DOCK3: variants seen among roughly 807,000 people sequenced by gnomAD.
DOCK3 encodes the protein dedicator of cytokinesis 3.
In DOCK3, 60 loss-of-function variants were observed where a neutral mutation model predicts 265.6. That is an observed-to-expected ratio of 0.23 (90% CI 0.18 to 0.28). The LOEUF (loss-of-function observed/expected upper bound fraction) is 0.28. Ranked by LOEUF, DOCK3 falls within the 10% of genes least tolerant of loss-of-function variation. The pLI is 1.00. For synonymous variants in DOCK3, 881 were observed against 938.0 expected (o/e 0.94, Z 1.11); for missense variants, 1,981 against 2,594.3 (o/e 0.76, Z 5.14).
intron 29 of DOCK3, among the ~76,000 whole-genome samples, 155 bp downstream of exon 29, chr3:51,312,234 G>A (rs1200671398): frequency 6.6e-6 from 1 of 152,112 alleles, no homozygotes; most frequent in Non-Finnish European, 1.5e-5. Flanking sequence ...ACCCCTGTTG[G>A]AAGTGTTGGT....
intron 27 of DOCK3, among the ~76,000 whole-genome samples, chr3:51,295,391 C>T (rs527483478): frequency 3.9e-5 from 6 of 152,272 alleles, no homozygotes; most frequent in Admixed American, 1.3e-4. Context: ...CTCACTTTTC[C>T]CCAAGGGAAG....
intron 5 of DOCK3, among the ~76,000 whole-genome samples, chr3:51,047,607 T>G (rs887682729): frequency 1.3e-5 from 2 of 152,058 alleles, no homozygotes; most frequent in South Asian, 4.1e-4. Flanking sequence ...GATGGACTAT[T>G]ATGAATAATT....
intron 4 of DOCK3, among the ~76,000 whole-genome samples, chr3:50,917,311 A>G (rs915824198): frequency 7.2e-5 from 11 of 152,190 alleles, no homozygotes; most frequent in African/African-American, 2.2e-4. Context: ...TGCTATCTTT[A>G]GATAATGGGT....
At chr3:51,082,018 A>G (rs2109447661) in intron 7 of DOCK3, among the ~76,000 whole-genome samples, 1 of 152,160 alleles carries the variant, frequency 6.6e-6, no homozygotes, top group South Asian at 2.1e-4. Context: ...TGAATAGAGC[A>G]TCTAAGACAG....
At chr3:51,256,835 TC>T (rs372780944) in intron 22 of DOCK3, among the ~76,000 whole-genome samples, 9 of 152,278 alleles carry the variant, frequency 5.9e-5, no homozygotes, top group African/African-American at 2.2e-4. Flanking sequence ...CCTCAGGTGA[TC>T]CACCCACCTC....
At chr3:50,693,891 G>C (rs1173314738) in intron 1 of DOCK3, among the ~76,000 whole-genome samples, 1 of 151,876 alleles carries the variant, frequency 6.6e-6, no homozygotes, top group Non-Finnish European at 1.5e-5. Context: ...ACTGGTTTTT[G>C]CATGTTGATT....
intron 1 of DOCK3, among the ~76,000 whole-genome samples, chr3:50,773,283 A>G (rs535355657): frequency 6.6e-6 from 1 of 152,122 alleles, no homozygotes; most frequent in African/African-American, 2.4e-5. Flanking sequence ...ACAAGAATCA[A>G]CTCACAATGG....
chr3:51,263,517 G>A (rs1385486562), intron 23 of DOCK3, among the ~76,000 whole-genome samples: 4 of 152,008 alleles, frequency 2.6e-5, no homozygotes, highest in Admixed American at 6.6e-5. Context: ...ATCAACTAAC[G>A]GGCAAAATAA....
intron 3 of DOCK3, among the ~76,000 whole-genome samples, chr3:50,881,631 G>A (rs983900654): frequency 2.6e-5 from 4 of 152,146 alleles, no homozygotes; most frequent in African/African-American, 9.7e-5. Context: ...CAAACAAATG[G>A]AAGAACATTC....
chr3:51,354,959 G>T lies in DOCK3; in HGVS notation c.4185G>T (p.Pro1395=), dbSNP rs367930026. The stretch of plus-strand genomic sequence containing the variant: ...AGCAGAGGATGCTCAGTGAGTTTCC[G>T]CAGGCTGTCGCCATGCAGCACCCCA... The part of the protein sequence containing the change: ...AFQQRMLSEF[P]QAVAMQHPNH... The change falls in exon 41 of 53, where the codon CCG becomes CCT. Residue 1395 remains proline, a synonymous_variant. Transcript: ENST00000266037. 15 of 1,613,876 alleles carry T rather than the reference G, an allele frequency of 9.3e-6. No individual in the cohort carries two copies. Among genetic ancestry groups the T allele is most frequent in the East Asian group, 8.9e-5 (4 of 44,870 alleles).
intron 40 of DOCK3, among the ~76,000 whole-genome samples, chr3:51,353,025 A>C (rs927526349): frequency 3.3e-5 from 5 of 152,216 alleles, no homozygotes; most frequent in Non-Finnish European, 7.3e-5. Context: ...TTATCTATTA[A>C]TCTGCAAAGA....
intron 3 of DOCK3, among the ~76,000 whole-genome samples, chr3:50,859,992 A>G (rs537811063): frequency 6.6e-6 from 1 of 152,294 alleles, no homozygotes; most frequent in South Asian, 2.1e-4. Flanking sequence ...GAGGCAGCAG[A>G]GGAAGAGATC....
At chr3:50,786,635 T>TAAAGTTA (rs2108570834) in intron 2 of DOCK3, 1 of 592,576 alleles carries the variant, frequency 1.7e-6, no homozygotes, top group South Asian at 1.6e-5. Flanking sequence ...CTTTATGATT[T>TAAAGTTA]AAAGTTGTCC....
chr3:51,190,865 C>T (rs1266133957), intron 12 of DOCK3, among the ~76,000 whole-genome samples: 1 of 152,178 alleles, frequency 6.6e-6, no homozygotes, highest in Non-Finnish European at 1.5e-5. Context: ...GCACTGGCCT[C>T]TATGGAGATC....
intron 1 of DOCK3, chr3:50,685,893 G>C (rs755078632): frequency 1.3e-5 from 2 of 153,032 alleles, no homozygotes; most frequent in Non-Finnish European, 2.9e-5. Flanking sequence ...GAGTTGTTTG[G>C]TTTTTTGTTG....
intron 1 of DOCK3, among the ~76,000 whole-genome samples, chr3:50,679,215 C>G (rs532484129): frequency 6.6e-6 from 1 of 152,122 alleles, no homozygotes; most frequent in African/African-American, 2.4e-5. Flanking sequence ...TTCAAGCTAT[C>G]CTCCCACCTC....
At chr3:51,191,358 C>T (rs971881023) in intron 12 of DOCK3, among the ~76,000 whole-genome samples, 4 of 152,106 alleles carry the variant, frequency 2.6e-5, no homozygotes, top group African/African-American at 4.8e-5. Context: ...AGCAGACTTC[C>T]GTGAGGTCCC....
intron 5 of DOCK3, among the ~76,000 whole-genome samples, chr3:50,995,466 G>C (rs569407903): frequency 7.9e-5 from 12 of 152,316 alleles, no homozygotes; most frequent in African/African-American, 2.6e-4. Context: ...ACTCCTTTAA[G>C]GTGTCAAGAT....
At chr3:50,941,759 T>G (rs894832205) in intron 5 of DOCK3, among the ~76,000 whole-genome samples, 3 of 152,224 alleles carry the variant, frequency 2.0e-5, no homozygotes, top group Admixed American at 1.3e-4. Context: ...CTTAGAGTGA[T>G]TGATCTCAAG....
Sources: gnomAD v4.1 joint callset for allele counts (sites outside exome capture counted in the v4.1 genomes callset) on GRCh38, gnomAD v4.1.1 for gene constraint, MANE v1.5 for transcripts, NCBI Gene and HGNC (gene_info 2026-07-23, HGNC 2026-07-21) for gene names.